The following CRPPA variants were observed in gnomAD, a reference collection of about 807,000 sequenced individuals.
CRPPA encodes CDP-L-ribitol pyrophosphorylase A.
CRPPA carries 43 observed loss-of-function variants against 52.0 expected under a neutral mutation model. The ratio of observed to expected loss-of-function variants is 0.83; its 90% CI spans 0.65 to 1.07. The LOEUF (loss-of-function observed/expected upper bound fraction) is 1.07, where lower values mean the gene tolerates loss of function less well. CRPPA is among the 50% of genes least tolerant of loss of function. CRPPA has a pLI of 0.00. For missense variants in CRPPA, 629 were observed against 551.7 expected (o/e 1.14, Z -1.40); for synonymous variants, 250 against 203.5 (o/e 1.23, Z -1.94).
intron 2 of CRPPA, among the ~76,000 whole-genome samples, chr7:16,397,018 A>G (rs116743074): frequency 0.011 from 1,740 of 152,252 alleles, 40 homozygotes; most frequent in African/African-American, 0.04. Context: ...CACGTGTGAA[A>G]CATGTGCCAG....
intron 3 of CRPPA, among the ~76,000 whole-genome samples, 170 bp from the exon 4 acceptor site, chr7:16,308,797 G>T (rs1422780367): frequency 6.6e-6 from 1 of 152,146 alleles, no homozygotes; most frequent in East Asian, 1.9e-4. Context: ...AGCAAAACAG[G>T]GAATAGGAAT....
intron 9 of CRPPA, among the ~76,000 whole-genome samples, chr7:16,193,072 A>T (rs1781649328): frequency 6.6e-6 from 1 of 152,126 alleles, no homozygotes; most frequent in South Asian, 2.1e-4. Flanking sequence ...TCAGCTTGTC[A>T]TTTTCAAAAA....
At chr7:16,281,554 C>T (rs917054380) in intron 5 of CRPPA, among the ~76,000 whole-genome samples, 2 of 152,056 alleles carry the variant, frequency 1.3e-5, no homozygotes, top group African/African-American at 4.8e-5. Context: ...AAAAGTTAGC[C>T]TGTAATTCTA....
chr7:16,232,431 A>G (rs971085394), intron 8 of CRPPA, among the ~76,000 whole-genome samples: 1 of 152,168 alleles, frequency 6.6e-6, no homozygotes, highest in African/African-American at 2.4e-5. Flanking sequence ...TGCCATGTGC[A>G]CTTGTTCTCA....
chr7:16,299,324 A>T (rs2128422406), intron 5 of CRPPA, among the ~76,000 whole-genome samples: 1 of 152,290 alleles, frequency 6.6e-6, no homozygotes, highest in East Asian at 1.9e-4. Flanking sequence ...CAGCTGGGAG[A>T]GCATCGTAAG....
At chr7:16,296,057 G>A (rs962006940) in intron 5 of CRPPA, among the ~76,000 whole-genome samples, 2 of 152,056 alleles carry the variant, frequency 1.3e-5, no homozygotes. Context: ...TAACAAATTT[G>A]TAATTAATTA....
intron 8 of CRPPA, among the ~76,000 whole-genome samples, chr7:16,241,968 T>TTTG (rs1783121892): frequency 7.2e-6 from 1 of 138,946 alleles, no homozygotes; most frequent in Non-Finnish European, 1.5e-5. Context: ...TTTTTTTTTT[T>TTTG]GTTGGGGGGA....
rs1352268861 is a variant in CRPPA, at chr7:16,088,249, C to G, written c.*3446G>C. 2 of 152,066 alleles carry G rather than the reference C, an allele frequency of 1.3e-5. No individual in the cohort carries two copies. The highest frequency in any genetic ancestry group is 2.9e-5 in the Non-Finnish European group (2 of 68,022). The allele number at this position is 152,066 out of a possible 1,614,324, so 9.4% of individuals were successfully genotyped here. On this transcript the variant is annotated 3_prime_UTR_variant, in exon 10 of 10. Transcript: ENST00000407010. ...GTTTAGAAAGAAAACCATTTTGCAA[C>G]AAAATTTCCCACAAGTGGAAGCATT...
chr7:16,265,465 T>C (rs1030562029), intron 6 of CRPPA, among the ~76,000 whole-genome samples: 23 of 152,124 alleles, frequency 1.5e-4, no homozygotes, highest in African/African-American at 5.5e-4. Flanking sequence ...TTTGCAGTGC[T>C]ACATAGTGCA....
At chr7:16,238,086 C>G (rs1045797394) in intron 8 of CRPPA, among the ~76,000 whole-genome samples, 1 of 152,126 alleles carries the variant, frequency 6.6e-6, no homozygotes, top group Non-Finnish European at 1.5e-5. Context: ...CTGGCTAACT[C>G]TGGTCATTTT....
At chr7:16,143,950 GGGAACAGGA>G (rs1243277789) in intron 9 of CRPPA, among the ~76,000 whole-genome samples, 2 of 152,124 alleles carry the variant, frequency 1.3e-5, no homozygotes, top group African/African-American at 4.8e-5. Flanking sequence ...AACAAGATGG[GGGAACAGGA>G]GGTCCTCACG....
At chr7:16,149,143 A>G (rs1783028289) in intron 9 of CRPPA, among the ~76,000 whole-genome samples, 1 of 152,188 alleles carries the variant, frequency 6.6e-6, no homozygotes, top group African/African-American at 2.4e-5. Flanking sequence ...GAATATACAT[A>G]TGGTTTGTTT....
At chr7:16,141,408 A>C (rs1360576789) in intron 9 of CRPPA, among the ~76,000 whole-genome samples, 2 of 152,210 alleles carry the variant, frequency 1.3e-5, no homozygotes, top group Non-Finnish European at 2.9e-5. Context: ...TAATTTATGC[A>C]AATAAACTAA....
Position 16,411,431 on chromosome 7 carries a change from C to T in CRPPA, c.258-5094G>A, listed in dbSNP as rs780377219. 1.2e-4 allele frequency among the ~76,000 whole-genome samples: 19 copies of T among 152,038 alleles called. 1 individual carries two copies. The highest frequency in any genetic ancestry group is 4.4e-5 in the Non-Finnish European group (3 of 68,020). The stretch of plus-strand genomic sequence containing the variant: ...CTTCATTTATATTAAGGTTGAAACA[C>T]GTAATATTCCTGCTTTTATAGTCAA... On this transcript the variant is annotated intron_variant, in intron 1 of 9. Transcript: ENST00000407010.
In CRPPA at chr7:16,334,586, A is replaced by G. The variant is rs185631676; in HGVS notation, c.685-25959T>C. Among the ~76,000 whole-genome samples, 66 of 152,278 alleles carry G rather than the reference A, an allele frequency of 4.3e-4. 1 individual carries two copies. The highest frequency in any genetic ancestry group is 1.6e-3 in the African/African-American group (65 of 41,574). On this transcript the variant is annotated intron_variant, in intron 3 of 9. Coordinates refer to ENST00000407010, the MANE Select transcript of CRPPA (RefSeq NM_001101426.4). ...CCTTCACACAATCCTGCCTAACTAC[A>G]GATTCTGGTACTGCCCAGAAAAAGA...
chr7:16,217,555 A>C (rs374608544), intron 8 of CRPPA, among the ~76,000 whole-genome samples: 6 of 138,726 alleles, frequency 4.3e-5, no homozygotes, highest in South Asian at 2.6e-4. Context: ...AAAATTTAGA[A>C]GAATGTATAA....
At chr7:16,149,392 G>T (rs1242912544) in intron 9 of CRPPA, among the ~76,000 whole-genome samples, 1 of 152,154 alleles carries the variant, frequency 6.6e-6, no homozygotes, top group Non-Finnish European at 1.5e-5. Context: ...TAATATTACA[G>T]AATGCACTAT....
At chr7:16,308,356 G>C (rs993162476) in intron 4 of CRPPA, among the ~76,000 whole-genome samples, 167 bp downstream of exon 4, 16 of 152,148 alleles carry the variant, frequency 1.1e-4, no homozygotes, top group Non-Finnish European at 5.9e-5. Context: ...ATCTCAAAGT[G>C]AATTTTCTTG....
intron 3 of CRPPA, among the ~76,000 whole-genome samples, chr7:16,322,627 A>C (rs2128427737): frequency 6.6e-6 from 1 of 152,264 alleles, no homozygotes; most frequent in South Asian, 2.1e-4. Flanking sequence ...AGGGTAAGGA[A>C]ACCTGACAAC....
Sources: allele counts gnomAD v4.1 joint callset (sites outside exome capture counted in the v4.1 genomes callset), GRCh38; gene constraint gnomAD v4.1.1; transcripts MANE v1.5; gene names NCBI Gene and HGNC (gene_info 2026-07-23, HGNC 2026-07-21).